The following SPECC1 variants were observed in gnomAD, a reference collection of about 807,000 sequenced individuals.
SPECC1 encodes the protein cytospin-B.
Under a neutral mutation model 104.1 loss-of-function variants are expected in SPECC1, and 62 were observed. The observed-to-expected ratio is 0.60, with a 90% CI of 0.49 to 0.74. The LOEUF (loss-of-function observed/expected upper bound fraction) is 0.74. SPECC1 is among the 30% of genes least tolerant of loss of function. SPECC1 has a pLI of 0.00. For missense variants in SPECC1, 1,306 were observed against 1,310.5 expected, an observed-to-expected ratio of 1.00 and a Z score of 0.05; for synonymous variants, 513 against 501.6, an observed-to-expected ratio of 1.02 and a Z score of -0.30.
At chr17:20,139,616 C>T (rs1236198411) in intron 3 of SPECC1, among the ~76,000 whole-genome samples, 1 of 152,174 alleles carries the variant, frequency 6.6e-6, no homozygotes. Flanking sequence ...TCTTTATTAA[C>T]TTCCTTTCTC....
At chr17:20,019,620 A>T (rs1597571678) in intron 1 of SPECC1, among the ~76,000 whole-genome samples, 1 of 152,306 alleles carries the variant, frequency 6.6e-6, no homozygotes, top group East Asian at 1.9e-4. Context: ...AGCTCAATAT[A>T]GCTGGAAAGT....
chr17:20,274,458 G>A (rs561095304), intron 12 of SPECC1, among the ~76,000 whole-genome samples: 1 of 151,412 alleles, frequency 6.6e-6, no homozygotes, highest in Non-Finnish European at 1.5e-5. Flanking sequence ...TGGTTTTCTA[G>A]GTAAACTATT....
chr17:20,169,854 A>ATGTGT (rs2033951392), intron 3 of SPECC1, among the ~76,000 whole-genome samples: 1 of 152,156 alleles, frequency 6.6e-6, no homozygotes, highest in Non-Finnish European at 1.5e-5. Context: ...TACCTCTTGA[A>ATGTGT]TGTGTTGCGC....
chr17:20,109,266 G>A (rs2048369415), intron 2 of SPECC1, among the ~76,000 whole-genome samples: 1 of 152,322 alleles, frequency 6.6e-6, no homozygotes, highest in Admixed American at 6.5e-5. Context: ...TGTGATGGGC[G>A]GGGCTCGCCC....
intron 3 of SPECC1, among the ~76,000 whole-genome samples, chr17:20,194,510 T>TTTA (rs1193575797): frequency 1.6e-5 from 2 of 124,552 alleles, no homozygotes; most frequent in Non-Finnish European, 3.3e-5. Flanking sequence ...GAATTTTTTT[T>TTTA]TTTTTTTTTT....
intron 10 of SPECC1, among the ~76,000 whole-genome samples, 178 bp downstream of exon 10, chr17:20,253,764 G>T (rs1306075298): frequency 1.3e-5 from 2 of 152,146 alleles, no homozygotes; most frequent in Non-Finnish European, 2.9e-5. Flanking sequence ...GCTGACAAAA[G>T]GAAAAAGTGT....
At chr17:20,254,205 G>C (rs1205228372) in intron 10 of SPECC1, among the ~76,000 whole-genome samples, 1 of 145,340 alleles carries the variant, frequency 6.9e-6, no homozygotes, top group Non-Finnish European at 1.5e-5. Flanking sequence ...CTCCAATCCT[G>C]GTTGTAAAGT....
chr17:20,220,610 A>T (rs1317585094), intron 4 of SPECC1, among the ~76,000 whole-genome samples: 1 of 143,488 alleles, frequency 7.0e-6, no homozygotes, highest in East Asian at 2.0e-4. Context: ...ATATCAAGTC[A>T]TATCATCTGC....
Position 20,272,262 on chromosome 17 carries a change from C to G in SPECC1, c.2940+11968C>G, listed in dbSNP as rs147832270. Among the ~76,000 whole-genome samples the G allele has an allele frequency of 8.3e-4, 126 of 152,172 alleles. 1 individual carries two copies. Among genetic ancestry groups the G allele is most frequent in the African/African-American group, 2.9e-3 (122 of 41,528 alleles). Reference sequence around the variant, plus strand: ...TTCTTTTTTTCCCCTATTTCTATCTCTTTGCATTACAGTTTTGTTTTCTGG... The same window carrying G: ...TTCTTTTTTTCCCCTATTTCTATCTGTTTGCATTACAGTTTTGTTTTCTGG... On this transcript the variant is annotated intron_variant, in intron 12 of 14. Transcript: ENST00000395527.
Position 20,317,848 on chromosome 17 carries a change from GTAGGGCTCCC to G in SPECC1, c.*3784_*3793del, listed in dbSNP as rs2042059244. ...AATAGGCCTTCTAGCACAGCAGCTA[GTAGGGCTCCC>G]CCAAGCCATCCGCTGGCGTGTGGAG... is the stretch of plus-strand genomic sequence containing the variant. On this transcript the variant is annotated 3_prime_UTR_variant, in exon 15 of 15. Transcript: ENST00000395527. The G allele has an allele frequency of 8.9e-6, 2 of 225,760 alleles. No homozygotes were observed. Among genetic ancestry groups the G allele is most frequent in the Non-Finnish European group, 1.8e-5 (2 of 113,498 alleles). The allele number at this position is 225,760 out of a possible 1,614,324, so 14.0% of individuals were successfully genotyped here.
At chr17:20,018,047 T>C (rs947921136) in intron 1 of SPECC1, 4 of 152,520 alleles carry the variant, frequency 2.6e-5, no homozygotes, top group Admixed American at 2.6e-4. Context: ...GGCGTGTGTA[T>C]TCCATGTGAG....
In SPECC1 at chr17:20,215,135, C is replaced by T. The variant is rs573126275; in HGVS notation, c.1863+9223C>T. Among the ~76,000 whole-genome samples, 5 of 152,356 alleles carry T rather than the reference C, an allele frequency of 3.3e-5. No individual in the cohort carries two copies. In the South Asian group the frequency reaches 8.3e-4, roughly 25 times the overall value. ...CAAGAGTCCTCCAAGGCCGGGGCCT[C>T]GTGCCTGAGGTCTCTCTTTGCCCCT... On this transcript the variant is annotated intron_variant, in intron 4 of 14. Coordinates refer to ENST00000395527, the MANE Select transcript of SPECC1 (RefSeq NM_001243439.2).
At chr17:20,236,557 G>A (rs990705864) in intron 7 of SPECC1, among the ~76,000 whole-genome samples, 2 of 151,946 alleles carry the variant, frequency 1.3e-5, no homozygotes, top group Non-Finnish European at 2.9e-5. Flanking sequence ...ATTCTGGAGG[G>A]GCCTATGGTG....
At chr17:20,051,074 T>TCC (rs2045731769) in intron 1 of SPECC1, among the ~76,000 whole-genome samples, 6 of 64,288 alleles carry the variant, frequency 9.3e-5, no homozygotes, top group African/African-American at 4.1e-4. Context: ...TTCTTTTTCT[T>TCC]TCTTTCTTTC....
chr17:20,109,840 G>C (rs1262372911), intron 2 of SPECC1, among the ~76,000 whole-genome samples: 2 of 151,932 alleles, frequency 1.3e-5, no homozygotes, highest in African/African-American at 4.8e-5. Flanking sequence ...CCCCCACCAG[G>C]AGAGCAGATT....
At chr17:20,235,587 T>C (rs2703778) in intron 7 of SPECC1, among the ~76,000 whole-genome samples, 107,519 of 151,858 alleles carry the variant, frequency 0.71, 39,861 homozygotes, top group East Asian at 0.99. Flanking sequence ...TCGTGAGCAG[T>C]GCATGGCACA....
chr17:20,318,412 G>C lies in SPECC1; in HGVS notation c.*4347G>C. On this transcript the variant is annotated 3_prime_UTR_variant, in exon 15 of 15. Transcript: ENST00000395527. ...GTTTTTGTTTTACAGCTTTTGTAGA[G>C]ACCAACCCAAGTAGATGCAGGTGGG... 1 of 231,550 alleles carries C rather than the reference G, an allele frequency of 4.3e-6. No individual in the cohort carries two copies. The allele number at this position is 231,550 out of a possible 1,614,324, so 14.3% of individuals were successfully genotyped here. A position where few individuals can be genotyped will look rare whatever the true frequency, so the allele number is the denominator to read the frequency against.
chr17:20,144,273 C>T (rs1355474270), intron 3 of SPECC1, among the ~76,000 whole-genome samples: 1 of 149,180 alleles, frequency 6.7e-6, no homozygotes, highest in East Asian at 2.0e-4. Context: ...CTGCCTTGAC[C>T]TCCTGGGCTC....
rs115636655 is a variant in SPECC1, at chr17:20,313,035, A to G, written c.3118-941A>G. The stretch of plus-strand genomic sequence containing the variant: ...TTTAACCACACAGAATCCAAATTCA[A>G]TCCCAAAGTTAATTATTAAATATGT... On this transcript the variant is annotated intron_variant, in intron 14 of 14. Coordinates refer to ENST00000395527, the MANE Select transcript of SPECC1 (RefSeq NM_001243439.2). Among the ~76,000 whole-genome samples, 252 of 152,324 alleles carry G rather than the reference A, an allele frequency of 1.7e-3. 1 individual carries two copies. Among genetic ancestry groups the G allele is most frequent in the African/African-American group, 5.9e-3 (245 of 41,578 alleles).
Sources: gnomAD v4.1 joint callset for allele counts (sites outside exome capture counted in the v4.1 genomes callset) on GRCh38, gnomAD v4.1.1 for gene constraint, MANE v1.5 for transcripts, NCBI Gene and HGNC (gene_info 2026-07-23, HGNC 2026-07-21) for gene names.